The following LYZL2 variants were observed in gnomAD, a reference collection of about 807,000 sequenced individuals.
LYZL2 encodes the protein lysozyme-like protein 2.
Under a neutral mutation model 17.1 loss-of-function variants are expected in LYZL2, and 13 were observed. That is an observed-to-expected ratio of 0.76 (90% CI 0.49 to 1.21). LYZL2 has a LOEUF of 1.21. Among genes scored for constraint, LYZL2 ranks in the 50% most tolerant of loss-of-function variants. LYZL2 has a pLI of 0.00. For synonymous variants in LYZL2, 63 were observed against 74.4 expected (o/e 0.85, Z 0.79); for missense variants, 166 against 189.2 (o/e 0.88, Z 0.72).
Position 30,626,950 on chromosome 10 carries a change from A to T in LYZL2, c.-25-10T>A, listed in dbSNP as rs780590788. ...CTGCCGGAGACAGAACCTGCCAAAG[A>T]GCCGGAGAACAGGTCAGACGATCTT... On this transcript the variant is annotated splice_polypyrimidine_tract_variant and intron_variant, in intron 1 of 4. Coordinates refer to ENST00000647634, the MANE Select transcript of LYZL2 (RefSeq NM_183058.3). 1.6e-5 allele frequency: 26 copies of T among 1,612,722 alleles called. No individual in the cohort carries two copies. The Middle Eastern group carries it at 1.5e-3, about 92-fold the overall frequency.
At chr10:30,615,016 A>G (rs1037279663) in intron 3 of LYZL2, among the ~76,000 whole-genome samples, 4 of 152,254 alleles carry the variant, frequency 2.6e-5, no homozygotes, top group African/African-American at 9.6e-5. Flanking sequence ...GATATTTAAT[A>G]ATATGGAGAA....
intron 3 of LYZL2, among the ~76,000 whole-genome samples, chr10:30,617,531 T>C (rs952208476): frequency 6.6e-6 from 1 of 151,570 alleles, no homozygotes; most frequent in Non-Finnish European, 1.5e-5. Flanking sequence ...AAAAGTTAGC[T>C]GGCTGTGGTG....
intron 3 of LYZL2, among the ~76,000 whole-genome samples, chr10:30,620,529 T>G (rs1258063548): frequency 2.0e-5 from 3 of 152,238 alleles, no homozygotes; most frequent in Non-Finnish European, 2.9e-5. Flanking sequence ...TTTGTTGAAA[T>G]TCTTTTAAAC....
intron 3 of LYZL2, among the ~76,000 whole-genome samples, chr10:30,617,972 C>T (rs1838561303): frequency 6.6e-6 from 1 of 151,944 alleles, no homozygotes; most frequent in Non-Finnish European, 1.5e-5. Context: ...GCAACTTCAG[C>T]AAAGTCTCAG....
chr10:30,613,649 GT>G (rs1228362651), intron 3 of LYZL2, among the ~76,000 whole-genome samples: 1 of 152,092 alleles, frequency 6.6e-6, no homozygotes, highest in Non-Finnish European at 1.5e-5. Context: ...TATCCAGGGT[GT>G]TTTTCATGTG....
intron 3 of LYZL2, among the ~76,000 whole-genome samples, chr10:30,616,409 GT>G (rs1838528196): frequency 6.6e-6 from 1 of 152,222 alleles, no homozygotes; most frequent in Admixed American, 6.5e-5. Context: ...TGCCAGCCTG[GT>G]GCGGTGGCTC....
chr10:30,626,704 G>T, intron 2 of LYZL2, 73 bp downstream of exon 2: 1 of 1,591,390 alleles, frequency 6.3e-7, no homozygotes, highest in Non-Finnish European at 8.6e-7. Context: ...ACAGCAGGGA[G>T]TGTAGCCAGG....
intron 3 of LYZL2, among the ~76,000 whole-genome samples, chr10:30,614,492 T>C (rs1471302711): frequency 6.6e-6 from 1 of 152,240 alleles, no homozygotes; most frequent in Non-Finnish European, 1.5e-5. Flanking sequence ...TGGCAGGTAC[T>C]GTCTGCTCAT....
At chr10:30,628,456 G>A (rs746590839) in intron 1 of LYZL2, among the ~76,000 whole-genome samples, 19 of 152,200 alleles carry the variant, frequency 1.2e-4, no homozygotes, top group South Asian at 2.1e-4. Flanking sequence ...CCATAGAATC[G>A]TCTGAAATGG....
downstream of LYZL2, among the ~76,000 whole-genome samples, chr10:30,610,292 C>G (rs968849861): frequency 1.3e-5 from 2 of 152,090 alleles, no homozygotes; most frequent in Non-Finnish European, 2.9e-5. Flanking sequence ...GCAATTTTAT[C>G]TATTTTGTCC....
chr10:30,615,725 GTAAT>G (rs1441921698), intron 3 of LYZL2, among the ~76,000 whole-genome samples: 2 of 152,036 alleles, frequency 1.3e-5, no homozygotes, highest in Non-Finnish European at 2.9e-5. Context: ...ATAAAAAATT[GTAAT>G]TAATTAACAT....
intron 3 of LYZL2, among the ~76,000 whole-genome samples, chr10:30,625,479 C>T (rs1009927742): frequency 2.0e-5 from 3 of 151,890 alleles, no homozygotes; most frequent in Non-Finnish European, 4.4e-5. Flanking sequence ...AGTTCAAGAC[C>T]AGCCTGGGAG....
At position 30,629,532 on chromosome 10, in the gene LYZL2, A is replaced by G. The variant is rs1838772413; in HGVS notation, c.-26+61T>C. The G allele has an allele frequency of 1.3e-5, 21 of 1,578,124 alleles. No individual in the cohort carries two copies. In the South Asian group the frequency reaches 2.4e-4, roughly 18 times the overall value. On this transcript the variant is annotated intron_variant, in intron 1 of 4. Coordinates refer to ENST00000647634, the MANE Select transcript of LYZL2 (RefSeq NM_183058.3). ...CAAGCATCATGTTCTACATCCTTCA[A>G]GAACCTGCCATTGCTGGTTCTCAGG...
chr10:30,618,898 A>C (rs1277447450), intron 3 of LYZL2, among the ~76,000 whole-genome samples: 1 of 152,256 alleles, frequency 6.6e-6, no homozygotes, highest in Non-Finnish European at 1.5e-5. Flanking sequence ...CAACCTACAG[A>C]ATGGGAGAAA....
downstream of LYZL2, among the ~76,000 whole-genome samples, chr10:30,609,975 C>T (rs879739447): frequency 5.9e-5 from 9 of 152,204 alleles, no homozygotes; most frequent in Non-Finnish European, 1.2e-4. Flanking sequence ...AGTGCCCTTT[C>T]ACCTTGAATT....
Position 30,626,903 on chromosome 10 carries a change from C to T in LYZL2, c.13G>A (p.Gly5Ser), listed in dbSNP as rs2099311720. The T allele has an allele frequency of 3.7e-6, 6 of 1,613,348 alleles. No homozygotes were observed. Among genetic ancestry groups the T allele is most frequent in the Admixed American group, 1.7e-5 (1 of 59,946 alleles). Residue 5 changes from glycine (G) to serine (S), a missense_variant, in exon 2 of 5, where the codon GGC (glycine) becomes AGC (serine). This residue lies in a region of LYZL2 where 32 missense variants were observed against 59.8 expected (regional missense o/e 0.53). Coordinates refer to ENST00000647634, the MANE Select transcript of LYZL2 (RefSeq NM_183058.3). ...AGGCAGCCAATGAGGGTCAGAATGCCCGCAGCCTTCATCCTCAAAGCCTGC... is the reference window on the plus strand; with the variant it reads ...AGGCAGCCAATGAGGGTCAGAATGCTCGCAGCCTTCATCCTCAAAGCCTGC... MKAA[G>S]ILTLIGCLVT...
At chr10:30,627,565 G>T (rs187924616) in intron 1 of LYZL2, among the ~76,000 whole-genome samples, 33 of 152,018 alleles carry the variant, frequency 2.2e-4, no homozygotes, top group Non-Finnish European at 2.9e-4. Context: ...TCTTCCTTAT[G>T]ATTTTCTTAA....
intron 3 of LYZL2, among the ~76,000 whole-genome samples, chr10:30,617,674 C>CAAAAAAAAAAAAAAAAAA (rs1165550893): frequency 8.0e-5 from 4 of 50,212 alleles, no homozygotes; most frequent in Non-Finnish European, 1.1e-4. Context: ...GACTCTGTCT[C>CAAAAAAAAAAAAAAAAAA]AAAAAAAAAA....
intron 3 of LYZL2, among the ~76,000 whole-genome samples, chr10:30,615,582 T>G (rs1838514720): frequency 6.6e-6 from 1 of 152,194 alleles, no homozygotes; most frequent in South Asian, 2.1e-4. Context: ...ACACAGTAAT[T>G]ATGTGAGGTA....
Sources: gnomAD v4.1 joint callset for allele counts (sites outside exome capture counted in the v4.1 genomes callset) on GRCh38, gnomAD v4.1.1 for gene constraint, gnomAD v4.1.1 regional missense constraint, MANE v1.5 for transcripts, NCBI Gene and HGNC (gene_info 2026-07-23, HGNC 2026-07-21) for gene names.